The following ARMCX4 variants were observed in gnomAD, a reference collection of about 807,000 sequenced individuals.
ARMCX4 encodes the protein armadillo repeat containing X-linked 4, also known as armadillo repeat-containing X-linked protein 4.
In ARMCX4, 3 loss-of-function variants were observed where a neutral mutation model predicts 34.7. The observed-to-expected ratio is 0.09, with a 90% CI of 0.04 to 0.22. ARMCX4 has a LOEUF of 0.22. Among genes scored for constraint, ARMCX4 ranks in the 10% least tolerant of loss-of-function variants. The pLI is 1.00. For missense variants in ARMCX4, 1,448 were observed against 1,720.8 expected, an observed-to-expected ratio of 0.84 and a Z score of 2.81; for synonymous variants, 513 against 632.8, an observed-to-expected ratio of 0.81 and a Z score of 2.84.
chrX:101,534,291 G>T (rs967730625), downstream of ARMCX4, among the ~76,000 whole-genome samples: 2 of 111,510 alleles, frequency 1.8e-5, no homozygotes, highest in Non-Finnish European at 1.9e-5. Flanking sequence ...TTCCTGTAAA[G>T]ATGCCAATTA....
rs35076008 is a variant in ARMCX4, at chrX:101,470,304, C to CT, written c.-472-15707dup. Among the ~76,000 whole-genome samples the CT allele has an allele frequency of 6.8e-4, 71 of 104,598 alleles. 3 individuals are homozygous for CT. Among genetic ancestry groups the CT allele is most frequent in the East Asian group, 8.9e-4 (3 of 3,367 alleles). 90.8% of individuals were successfully genotyped at this position (104,598 alleles called of 115,157 possible). ...TGGCTCTGTTCACTCAGCATACTGG[C>CT]TTTTTTTTTTTTAACTTCTCCTTTT... On this transcript the variant is annotated intron_variant and NMD_transcript_variant, in intron 4 of 15. Transcript: ENST00000433011.
chrX:101,509,661 A>C (rs186233578), exon 10 of ARMCX4: 75 of 111,325 alleles, frequency 6.7e-4, no homozygotes, highest in African/African-American at 2.2e-3. Flanking sequence ...TTGGCCCCCC[A>C]AAGTGCTGGG....
intron 4 of ARMCX4, among the ~76,000 whole-genome samples, chrX:101,467,478 A>G (rs1932812212): frequency 8.9e-6 from 1 of 112,381 alleles, no homozygotes; most frequent in Non-Finnish European, 1.9e-5. Flanking sequence ...AAAAGGCTGG[A>G]AAGAAACCAT....
chrX:101,446,395 G>A (rs1363222084), downstream of ARMCX4, among the ~76,000 whole-genome samples: 1 of 110,693 alleles, frequency 9.0e-6, no homozygotes, highest in African/African-American at 3.3e-5. Context: ...TATGTACTGT[G>A]GGCAGAATAA....
At chrX:101,426,010 A>G (rs1452668517) in intron 2 of ARMCX4, among the ~76,000 whole-genome samples, 3 of 109,745 alleles carry the variant, frequency 2.7e-5, no homozygotes, top group Admixed American at 9.8e-5. Context: ...TTTTGTAGAC[A>G]TGGGGTCTTG....
chrX:101,468,317 G>C (rs1329151678), intron 4 of ARMCX4, among the ~76,000 whole-genome samples: 1 of 110,110 alleles, frequency 9.1e-6, no homozygotes, highest in African/African-American at 3.3e-5. Flanking sequence ...TTGAGACAGG[G>C]TCTCATTCTG....
intron 12 of ARMCX4, chrX:101,532,757 A>G (rs1556022467): frequency 1.8e-5 from 2 of 112,013 alleles, no homozygotes; most frequent in Non-Finnish European, 1.9e-5. Context: ...GATCAGCTTC[A>G]GTGGGAAACT....
At chrX:101,523,814 T>A (rs1934904902) in intron 11 of ARMCX4, among the ~76,000 whole-genome samples, 1 of 112,493 alleles carries the variant, frequency 8.9e-6, no homozygotes, top group African/African-American at 3.2e-5. Flanking sequence ...AACTCTGTTT[T>A]TTTCTCCTAC....
chrX:101,517,924 A>T (rs1407083428), intron 11 of ARMCX4, among the ~76,000 whole-genome samples: 1 of 111,909 alleles, frequency 8.9e-6, no homozygotes, highest in Non-Finnish European at 1.9e-5. Flanking sequence ...TGCCCCACCA[A>T]ATGCTGAGTA....
At chrX:101,506,953 CT>C (rs1320076858) in intron 8 of ARMCX4, among the ~76,000 whole-genome samples, 28 of 111,263 alleles carry the variant, frequency 2.5e-4, no homozygotes, top group African/African-American at 7.8e-4. Context: ...TTAACTATTT[CT>C]TCTGATATTG....
intron 2 of ARMCX4, among the ~76,000 whole-genome samples, chrX:101,433,085 C>G (rs1930335505): frequency 9.2e-6 from 1 of 108,481 alleles, no homozygotes. Context: ...CATATGTATA[C>G]ATATATGTGT....
chrX:101,490,129 G>T lies in ARMCX4; in HGVS notation c.1540G>T (p.Ala514Ser). The T allele has an allele frequency of 8.7e-7, 1 of 1,156,010 alleles. No homozygotes were observed. The highest frequency in any genetic ancestry group is 2.3e-4 in the Middle Eastern group (1 of 4,304). The change falls in exon 6 of 6, where the codon GCC becomes TCC. Residue 514 changes from alanine (A) to serine (S), a missense_variant. Ala to Ser is a moderately conservative substitution (Grantham distance 99). Transcript: ENST00000423738. ...GGTGGATATGAAGGCTCAAGGTATG[G>T]CCCAGAGCCAGGGTGAAGCCTTACC... The part of the protein sequence containing the change: ...AGVDMKAQGM[A>S]QSQGEALPNT...
Position 101,492,057 on chromosome X carries a change from G to A in ARMCX4, c.3468G>A (p.Val1156=), listed in dbSNP as rs782554482. 1 of 1,151,677 alleles carries A rather than the reference G, an allele frequency of 8.7e-7. No individual in the cohort carries two copies. Among genetic ancestry groups the A allele is most frequent in the African/African-American group, 1.8e-5 (1 of 55,664 alleles). The allele number at this position is 1,151,677 out of a possible 1,213,427, so 94.9% of individuals were successfully genotyped here. A position where few individuals can be genotyped will look rare whatever the true frequency, so the allele number is the denominator to read the frequency against. Residue 1156 remains valine, a synonymous_variant, in exon 6 of 6, where the codon GTG becomes GTA. Transcript: ENST00000423738. ...CTGGGATTATTCGGTCTTGGGCTGT[G>A]GCTTGTGATGAGACCAGTGTTAAGT... The part of the protein sequence containing the change: ...DKAGIIRSWA[V]ACDETSVKSW...
rs1000445968 is a variant in ARMCX4, at chrX:101,489,629, T to C, written c.1040T>C (p.Met347Thr). ...GATGCCGGGGGTAACACCAATGCCA[T>C]GTGTAAGGTGGGGGCAGGGGCAGAT... Reference protein sequence around the residue: ...KIDAGGNTNAMCKVGAGADVR... With the variant: ...KIDAGGNTNATCKVGAGADVR... Residue 347 changes from methionine to threonine, a missense_variant, in exon 6 of 6, where the codon ATG becomes ACG. This residue lies in a region of ARMCX4 where 1,343 missense variants were observed against 1,540.7 expected (regional missense o/e 0.87). Transcript: ENST00000423738. 166 of 1,152,289 alleles carry C rather than the reference T, an allele frequency of 1.4e-4. No homozygotes were observed. Among genetic ancestry groups the C allele is most frequent in the Non-Finnish European group, 1.8e-4 (156 of 871,910 alleles). 95.0% of individuals were successfully genotyped at this position (1,152,289 alleles called of 1,213,427 possible).
chrX:101,487,999 T>G, intron 4 of ARMCX4, 45 bp from the exon 5 acceptor site: 4 of 780,554 alleles, frequency 5.1e-6, no homozygotes, highest in Non-Finnish European at 6.8e-6. Flanking sequence ...TCTGTCTGTC[T>G]GTCTCTAGGT....
At chrX:101,443,967 C>T (rs1002756780) in intron 2 of ARMCX4, 2 of 376,716 alleles carry the variant, frequency 5.3e-6, no homozygotes, top group African/African-American at 2.6e-5. Flanking sequence ...ACTATTAAGG[C>T]ATGTGAAGTC....
At chrX:101,516,980 C>T (rs975301754) in intron 11 of ARMCX4, 3 of 112,076 alleles carry the variant, frequency 2.7e-5, no homozygotes, top group African/African-American at 9.7e-5. Context: ...CTTTTTACTG[C>T]TCATGCCACC....
chrX:101,429,332 C>CTTTTTTT (rs151320609), intron 2 of ARMCX4, among the ~76,000 whole-genome samples: 1 of 64,149 alleles, frequency 1.6e-5, no homozygotes, highest in Non-Finnish European at 3.0e-5. Context: ...CCTAGATTGT[C>CTTTTTTT]TTTTTTTTTT....
At chrX:101,463,786 C>T (rs782284614) in intron 4 of ARMCX4, among the ~76,000 whole-genome samples, 2 of 110,741 alleles carry the variant, frequency 1.8e-5, no homozygotes, top group Non-Finnish European at 3.8e-5. Context: ...CTCACTGTGT[C>T]ACCTAGGCTG....
Sources: allele counts gnomAD v4.1 joint callset (sites outside exome capture counted in the v4.1 genomes callset), GRCh38; gene constraint gnomAD v4.1.1; regional missense constraint gnomAD v4.1.1; transcripts MANE v1.5; gene names NCBI Gene and HGNC (gene_info 2026-07-23, HGNC 2026-07-21).